Variants in TRPM3 observed in about 807,000 individuals in gnomAD.
TRPM3 encodes transient receptor potential cation channel subfamily M member 3, also known as long transient receptor potential channel 3.
In TRPM3, 77 loss-of-function variants were observed where a neutral mutation model predicts 181.2. The observed-to-expected ratio is 0.42, with a 90% CI of 0.35 to 0.51. The LOEUF is 0.51. Ranked by LOEUF, TRPM3 falls within the 20% of genes least tolerant of loss-of-function variation. TRPM3 has a pLI of 0.01. For synonymous variants in TRPM3, 745 were observed against 796.4 expected, an observed-to-expected ratio of 0.94 and a Z score of 1.09; for missense variants, 1,759 against 2,196.7, an observed-to-expected ratio of 0.80 and a Z score of 3.98.
intron 6 of TRPM3, among the ~76,000 whole-genome samples, chr9:70,817,572 C>T (rs1176558289): frequency 1.3e-5 from 2 of 152,244 alleles, no homozygotes; most frequent in East Asian, 1.9e-4. Flanking sequence ...CGAGATTCAG[C>T]GGGGAAAGTG....
intron 1 of TRPM3, among the ~76,000 whole-genome samples, chr9:71,134,847 C>T (rs2134492272): frequency 6.6e-6 from 1 of 152,308 alleles, no homozygotes; most frequent in Non-Finnish European, 1.5e-5. Context: ...GCTCTGTGGA[C>T]TTACAGCCAG....
chr9:71,315,658 C>T (rs939603814), intron 1 of TRPM3, among the ~76,000 whole-genome samples: 1 of 151,890 alleles, frequency 6.6e-6, no homozygotes, highest in Non-Finnish European at 1.5e-5. Context: ...AAGAAAAATA[C>T]AGTTTAAAAG....
chr9:71,081,123 T>G (rs1008875924), intron 1 of TRPM3, among the ~76,000 whole-genome samples: 1 of 152,204 alleles, frequency 6.6e-6, no homozygotes, highest in Admixed American at 6.5e-5. Context: ...TTCCTGGATG[T>G]GACGCTAAAT....
chr9:71,082,018 T>G (rs1051881721), intron 1 of TRPM3, among the ~76,000 whole-genome samples: 5 of 152,174 alleles, frequency 3.3e-5, no homozygotes, highest in African/African-American at 1.2e-4. Flanking sequence ...ACCTCAATGT[T>G]TTTAAACAAA....
chr9:70,850,075 T>C (rs546886773), intron 3 of TRPM3, among the ~76,000 whole-genome samples: 2 of 152,364 alleles, frequency 1.3e-5, no homozygotes, highest in South Asian at 4.1e-4. Context: ...CAGTTGTTTC[T>C]ATATTGATTT....
chr9:71,409,133 G>A (rs1367928308), intron 1 of TRPM3, among the ~76,000 whole-genome samples: 2 of 152,024 alleles, frequency 1.3e-5, no homozygotes, highest in Admixed American at 1.3e-4. Context: ...AGGAACAACT[G>A]GTACCAGCCA....
chr9:71,157,014 T>C (rs1218719577), intron 1 of TRPM3, among the ~76,000 whole-genome samples: 2 of 152,156 alleles, frequency 1.3e-5, no homozygotes, highest in African/African-American at 4.8e-5. Flanking sequence ...CCATAAAGCA[T>C]ACTTTATCAA....
At chr9:71,044,817 G>A (rs1355152008) in intron 1 of TRPM3, among the ~76,000 whole-genome samples, 2 of 151,042 alleles carry the variant, frequency 1.3e-5, no homozygotes, top group Admixed American at 1.3e-4. Flanking sequence ...GACTACAGGC[G>A]CCAGCCACCA....
intron 1 of TRPM3, among the ~76,000 whole-genome samples, chr9:71,224,822 AC>A: frequency 6.6e-6 from 1 of 152,320 alleles, no homozygotes; most frequent in East Asian, 1.9e-4. Context: ...CAACTGGCAT[AC>A]TGAAGAATGC....
At chr9:71,104,029 C>T (rs1251389438) in intron 1 of TRPM3, among the ~76,000 whole-genome samples, 1 of 152,124 alleles carries the variant, frequency 6.6e-6, no homozygotes, top group East Asian at 1.9e-4. Flanking sequence ...ATTCTCCTGC[C>T]TCAGCCTCCT....
intron 1 of TRPM3, among the ~76,000 whole-genome samples, chr9:71,418,904 G>A (rs1321592809): frequency 9.8e-6 from 1 of 102,190 alleles, no homozygotes; most frequent in African/African-American, 2.9e-5. Context: ...ATATATGTGT[G>A]TGTGTATATA....
chr9:70,827,887 T>C lies in TRPM3; in HGVS notation c.933A>G (p.Arg311=), dbSNP rs769377411. Residue 311 remains arginine (R), a synonymous_variant, in exon 6 of 26, where the codon AGA becomes AGG. Coordinates refer to ENST00000677713, the MANE Select transcript of TRPM3 (RefSeq NM_001366145.2). The part of the protein sequence containing the change: ...GKYGAEVKLR[R]QLEKHISLQK... ...GGAGTGAAATATGCTTTTCCAGTTG[T>C]CTTCGAAGTTTCACCTCTGCTCCAT... is the stretch of plus-strand genomic sequence containing the variant. 10 of 1,614,168 alleles carry C rather than the reference T, an allele frequency of 6.2e-6. No individual in the cohort carries two copies. In the Admixed American group the frequency reaches 1.7e-4, roughly 27 times the overall value.
In TRPM3 at chr9:70,536,182, A is replaced by C. The variant is rs1421513056; in HGVS notation, c.4931T>G (p.Ile1644Arg). The change falls in exon 26 of 26, where the codon ATA becomes AGA. Residue 1644 changes from isoleucine to arginine, a missense_variant. By Grantham distance (97) the Ile-to-Arg change is moderately conservative. This residue lies in a region of TRPM3 where 612 missense variants were observed against 590.0 expected (regional missense o/e 1.04). Coordinates refer to ENST00000677713, the MANE Select transcript of TRPM3 (RefSeq NM_001366145.2). ...TGCCGAGTAGCTGTTGGCGCGCTCT[A>C]TCTTGGGAACAGTGATGTTGTTGGA... is the stretch of plus-strand genomic sequence containing the variant. ...TLSNNITVPK[I>R]ERANSYSAEE... 6.2e-7 allele frequency: 1 copy of C among 1,614,016 alleles called. No homozygotes were observed. The highest frequency in any genetic ancestry group is 8.5e-7 in the Non-Finnish European group (1 of 1,180,014).
At chr9:70,891,643 A>T (rs1421205518) in intron 1 of TRPM3, among the ~76,000 whole-genome samples, 5 of 152,236 alleles carry the variant, frequency 3.3e-5, no homozygotes, top group African/African-American at 1.2e-4. Context: ...AAGTACTGGA[A>T]GATAAAGGTT....
intron 1 of TRPM3, among the ~76,000 whole-genome samples, chr9:71,006,070 T>G (rs2097670297): frequency 6.6e-6 from 1 of 152,212 alleles, no homozygotes; most frequent in Non-Finnish European, 1.5e-5. Flanking sequence ...TTTGTCTTTG[T>G]TACACTTCTT....
rs1355287429 is a variant in TRPM3 at position 71,420,801 on chromosome 9, AAG to A, written c.183+25850_183+25851del. On this transcript the variant is annotated intron_variant, in intron 1 of 24. Transcript: ENST00000357533. ...AAAGAGAGAGAAAGAGAGAGAAAGA[AAG>A]AGAGAAAGAAAGAGAGAAAGAGAGG... 2.9e-3 allele frequency among the ~76,000 whole-genome samples: 8 copies of A among 2,790 alleles called. No homozygotes were observed. The East Asian group carries it at 0.03, about 10-fold the overall frequency. 1.8% of individuals were successfully genotyped at this position (2,790 alleles called of 152,430 possible).
Position 71,051,649 on chromosome 9 carries a change from A to T in TRPM3, c.177+69529T>A, listed in dbSNP as rs576564086. Among the ~76,000 whole-genome samples, 12 of 152,314 alleles carry T rather than the reference A, an allele frequency of 7.9e-5. No homozygotes were observed. In the South Asian group the frequency reaches 2.5e-3, roughly 32 times the overall value. On this transcript the variant is annotated intron_variant, in intron 1 of 25. Transcript: ENST00000677713. ...TGTACATTCCAAATGTGCTCTGAAT[A>T]TTCAGGCCAAAATATTATTTAGCCG...
rs536991323 is a variant in TRPM3 at position 70,822,387 on chromosome 9, T to C, written c.973+5460A>G. 3.3e-5 allele frequency among the ~76,000 whole-genome samples: 5 copies of C among 152,342 alleles called. No individual in the cohort carries two copies. The East Asian group carries it at 5.8e-4, about 18-fold the overall frequency. ...CATCACTCTTGAAGTGTCTATTCCT[T>C]ATCCTGAATGCTCAATTCAATAGCA... is the stretch of plus-strand genomic sequence containing the variant. On this transcript the variant is annotated intron_variant, in intron 6 of 25. Transcript: ENST00000677713.
chr9:70,965,434 A>C (rs2097175413), intron 1 of TRPM3, among the ~76,000 whole-genome samples: 1 of 152,072 alleles, frequency 6.6e-6, no homozygotes. Context: ...AAGTACTAAA[A>C]TTTTATAACA....
Sources: gnomAD v4.1 joint callset for allele counts (sites outside exome capture counted in the v4.1 genomes callset) on GRCh38, gnomAD v4.1.1 for gene constraint, gnomAD v4.1.1 regional missense constraint, MANE v1.5 for transcripts, NCBI Gene and HGNC (gene_info 2026-07-23, HGNC 2026-07-21) for gene names.